DUSP22: variants seen among roughly 807,000 people sequenced by gnomAD.
DUSP22 encodes the protein dual specificity phosphatase 22.
In DUSP22, 24 loss-of-function variants were observed where a neutral mutation model predicts 24.5. The ratio of observed to expected loss-of-function variants is 0.98; its 90% CI spans 0.71 to 1.38. DUSP22 has a LOEUF of 1.38. Ranked by LOEUF, DUSP22 falls within the 40% of genes most tolerant of loss-of-function variation. The pLI is 0.00. For synonymous variants in DUSP22, 160 were observed against 106.4 expected, an observed-to-expected ratio of 1.50 and a Z score of -3.10; for missense variants, 330 against 269.2, an observed-to-expected ratio of 1.23 and a Z score of -1.58.
At position 296,287 on chromosome 6, in the gene DUSP22, C is replaced by G. The variant is rs1475481078; in HGVS notation, c.21+3727C>G. On this transcript the variant is annotated intron_variant, in intron 1 of 6. Coordinates refer to ENST00000419235, the MANE Select transcript of DUSP22 (RefSeq NM_001286555.3). Reference sequence around the variant, plus strand: ...ATGAGTTTATGGTGTGTTTTGAGTACTTTACCACATAGAGTAAGCCACAAC... The same window carrying G: ...ATGAGTTTATGGTGTGTTTTGAGTAGTTTACCACATAGAGTAAGCCACAAC... Among the ~76,000 whole-genome samples the G allele has an allele frequency of 2.0e-5, 3 of 152,418 alleles. No homozygotes were observed. The East Asian group carries it at 5.8e-4, about 29-fold the overall frequency.
intron 1 of DUSP22, among the ~76,000 whole-genome samples, chr6:303,803 C>T (rs993732792): frequency 6.6e-6 from 1 of 152,308 alleles, no homozygotes; most frequent in Non-Finnish European, 1.5e-5. Context: ...AAAGAAGCCA[C>T]CCCAATTTCT....
Position 292,511 on chromosome 6 carries a change from C to G in DUSP22, c.-29C>G. 1.2e-6 allele frequency: 2 copies of G among 1,604,824 alleles called. No individual in the cohort carries two copies. The highest frequency in any genetic ancestry group is 1.7e-6 in the Non-Finnish European group (2 of 1,175,866). On this transcript the variant is annotated 5_prime_UTR_variant, in exon 1 of 7. Coordinates refer to ENST00000419235, the MANE Select transcript of DUSP22 (RefSeq NM_001286555.3). ...CATAGTGCGCCTGCGACCACACGGC[C>G]GGGGCGCTAGCGTTCGCCTTCAGCC...
intron 3 of DUSP22, among the ~76,000 whole-genome samples, chr6:316,914 T>C (rs1758362110): frequency 6.6e-6 from 1 of 152,308 alleles, no homozygotes. Flanking sequence ...TGTATGTATA[T>C]ACCAGGTAGA....
intron 1 of DUSP22, among the ~76,000 whole-genome samples, chr6:303,909 A>T (rs1279995362): frequency 6.6e-6 from 1 of 152,302 alleles, no homozygotes; most frequent in African/African-American, 2.4e-5. Context: ...TGGAGTTCTG[A>T]TGGGGAGTTT....
intron 4 of DUSP22, among the ~76,000 whole-genome samples, chr6:341,431 G>A (rs1457958430): frequency 3.9e-5 from 6 of 152,302 alleles, no homozygotes; most frequent in African/African-American, 1.2e-4. Context: ...GGAGTTTAAT[G>A]ACCAGAGTTG....
intron 2 of DUSP22, among the ~76,000 whole-genome samples, chr6:305,733 G>C (rs1258594841): frequency 6.6e-6 from 1 of 152,300 alleles, no homozygotes; most frequent in Non-Finnish European, 1.5e-5. Context: ...GAGATGAGGG[G>C]CCCTTAATAG....
At chr6:322,928 C>T (rs925328659) in intron 3 of DUSP22, among the ~76,000 whole-genome samples, 2 of 152,228 alleles carry the variant, frequency 1.3e-5, no homozygotes, top group African/African-American at 2.4e-5. Context: ...AAAGGGCTCT[C>T]TGGGCACCAT....
At position 313,811 on chromosome 6, in the gene DUSP22, T is replaced by A. The variant is rs556085576; in HGVS notation, c.138+1849T>A. On this transcript the variant is annotated intron_variant, in intron 3 of 6. Coordinates refer to ENST00000419235, the MANE Select transcript of DUSP22 (RefSeq NM_001286555.3). ...AGTAATTCATGATATATTCTTATTT[T>A]AAAAATTAAAACAATAGCCTCTGAT... Among the ~76,000 whole-genome samples, 17 of 152,416 alleles carry A rather than the reference T, an allele frequency of 1.1e-4. No individual in the cohort carries two copies. The South Asian group carries it at 3.5e-3, about 32-fold the overall frequency.
In DUSP22 at chr6:311,835, A is replaced by G. The variant is rs763511932; in HGVS notation, c.56-45A>G. 5 of 1,584,196 alleles carry G rather than the reference A, an allele frequency of 3.2e-6. No individual in the cohort carries two copies. The South Asian group carries it at 5.7e-5, about 18-fold the overall frequency. ...TCTGGCTAGACTTTAGGAGTAATTAACTTGCAAAGATATCAAAATGTCCAT... is the reference window on the plus strand; with the variant it reads ...TCTGGCTAGACTTTAGGAGTAATTAGCTTGCAAAGATATCAAAATGTCCAT... On this transcript the variant is annotated intron_variant, in intron 2 of 6. Coordinates refer to ENST00000419235, the MANE Select transcript of DUSP22 (RefSeq NM_001286555.3).
intron 2 of DUSP22, among the ~76,000 whole-genome samples, chr6:308,206 C>T (rs1016512985): frequency 1.9e-4 from 29 of 152,184 alleles, no homozygotes; most frequent in Admixed American, 2.6e-4. Context: ...AGCACCAAAG[C>T]GCTAAGTTCT....
chr6:338,902 C>T (rs1759476680), intron 4 of DUSP22, among the ~76,000 whole-genome samples: 1 of 152,308 alleles, frequency 6.6e-6, no homozygotes, highest in Admixed American at 6.5e-5. Context: ...TTGCTGCAGA[C>T]TGCCCGGAAA....
intron 4 of DUSP22, among the ~76,000 whole-genome samples, chr6:344,432 T>G (rs1399885896): frequency 6.6e-6 from 1 of 152,410 alleles, no homozygotes; most frequent in Non-Finnish European, 1.5e-5. Flanking sequence ...ACTACAGGCA[T>G]GCACCACCAC....
intron 1 of DUSP22, among the ~76,000 whole-genome samples, chr6:300,340 C>G (rs1399062687): frequency 6.6e-6 from 1 of 152,304 alleles, no homozygotes; most frequent in Non-Finnish European, 1.5e-5. Flanking sequence ...GTCTCCCTTG[C>G]CAAGGTGTAG....
intron 3 of DUSP22, among the ~76,000 whole-genome samples, chr6:322,830 T>TGGCGGGG (rs1554100347): frequency 1.8e-3 from 34 of 18,766 alleles, no homozygotes; most frequent in African/African-American, 5.9e-3. Context: ...GGCTGCTTGG[T>TGGCGGGG]GGGGCGGGGG....
At chr6:335,839 C>T (rs568645199) in intron 4 of DUSP22, among the ~76,000 whole-genome samples, 256 of 152,298 alleles carry the variant, frequency 1.7e-3, no homozygotes, top group Middle Eastern at 0.01. Flanking sequence ...TAAAGCCTGG[C>T]GGAGTGGAAT....
At chr6:301,809 G>A (rs1300503981) in intron 1 of DUSP22, among the ~76,000 whole-genome samples, 1 of 152,306 alleles carries the variant, frequency 6.6e-6, no homozygotes, top group African/African-American at 2.4e-5. Context: ...GTTTGCTTGA[G>A]ATAGTCCTGC....
At chr6:293,208 C>G (rs952588860) in intron 1 of DUSP22, among the ~76,000 whole-genome samples, 2 of 152,290 alleles carry the variant, frequency 1.3e-5, no homozygotes, top group East Asian at 1.9e-4. Flanking sequence ...CTCCATTTGT[C>G]CCGTCCGTTT....
chr6:331,411 T>C (rs1244622197), intron 3 of DUSP22, among the ~76,000 whole-genome samples: 1 of 152,306 alleles, frequency 6.6e-6, no homozygotes, highest in Non-Finnish European at 1.5e-5. Flanking sequence ...TTTTTCAGAT[T>C]GTTCTAGAAT....
intron 3 of DUSP22, among the ~76,000 whole-genome samples, chr6:334,618 A>T (rs1306702719): frequency 2.6e-5 from 4 of 152,426 alleles, no homozygotes; most frequent in African/African-American, 9.6e-5. Flanking sequence ...TAAAGCTCGT[A>T]TTGGTGCGTC....
Sources: allele counts gnomAD v4.1 joint callset (sites outside exome capture counted in the v4.1 genomes callset), GRCh38; gene constraint gnomAD v4.1.1; transcripts MANE v1.5; gene names NCBI Gene and HGNC (gene_info 2026-07-23, HGNC 2026-07-21).